The following ATP2C1 variants were observed in gnomAD, a reference collection of about 807,000 sequenced individuals.
The protein encoded by ATP2C1 is calcium-transporting ATPase type 2C member 1.
A neutral mutation model predicts 120.5 loss-of-function variants in ATP2C1; 31 were observed. The observed-to-expected ratio is 0.26, with a 90% confidence interval of 0.19 to 0.35. The LOEUF (loss-of-function observed/expected upper bound fraction) is 0.35, where lower values mean the gene tolerates loss of function less well. Among genes scored for constraint, ATP2C1 ranks in the 10% least tolerant of loss-of-function variants. The pLI is 1.00. For missense variants in ATP2C1, 731 were observed against 1,107.5 expected, an observed-to-expected ratio of 0.66 and a Z score of 4.83; for synonymous variants, 351 against 358.7, an observed-to-expected ratio of 0.98 and a Z score of 0.24.
chr3:130,909,752 T>C (rs1238575788), intron 2 of ATP2C1, among the ~76,000 whole-genome samples: 1 of 152,188 alleles, frequency 6.6e-6, no homozygotes, highest in Non-Finnish European at 1.5e-5. Context: ...TTAAATGATG[T>C]ATGAGGTCAA....
chr3:130,903,066 C>T (rs1238142242), intron 2 of ATP2C1, among the ~76,000 whole-genome samples: 1 of 151,920 alleles, frequency 6.6e-6, no homozygotes. Context: ...TTATTTTCTC[C>T]ATCTATAGAA....
At chr3:130,933,386 C>CT (rs2059533907) in intron 4 of ATP2C1, among the ~76,000 whole-genome samples, 6 of 152,136 alleles carry the variant, frequency 3.9e-5, no homozygotes, top group African/African-American at 1.4e-4. Flanking sequence ...ACGTTAATAG[C>CT]TAACATTTTT....
At position 130,999,532 on chromosome 3, in the gene ATP2C1, T is replaced by G. The variant is rs1337764598; in HGVS notation, c.2502T>G (p.Phe834Leu). ...LSSRSQTKSVFEIGLCSNRMF... is the reference protein window; with the variant it reads ...LSSRSQTKSVLEIGLCSNRMF... ...TCTGCCAACAGACCAAGTCTGTGTT[T>G]GAGATTGGACTCTGCAGTAATAGAA... Residue 834 changes from phenylalanine to leucine, a missense_variant, in exon 27 of 28, where the codon TTT (phenylalanine) becomes TTG (leucine). Physicochemically the swap from Phe to Leu is conservative, Grantham distance 22. This residue lies in a region of ATP2C1 where 141 missense variants were observed against 201.6 expected (regional missense o/e 0.70). Coordinates refer to ENST00000510168, the MANE Select transcript of ATP2C1 (RefSeq NM_001378687.1). 1.2e-6 allele frequency: 2 copies of G among 1,613,702 alleles called. No homozygotes were observed. Among genetic ancestry groups the G allele is most frequent in the Admixed American group, 1.7e-5 (1 of 60,024 alleles).
intron 2 of ATP2C1, among the ~76,000 whole-genome samples, chr3:130,904,182 T>C (rs2058017742): frequency 6.6e-6 from 1 of 152,054 alleles, no homozygotes; most frequent in Non-Finnish European, 1.5e-5. Context: ...TTTTGCCCAG[T>C]TACTCCTAAT....
intron 26 of ATP2C1, among the ~76,000 whole-genome samples, chr3:131,013,215 C>A (rs1169907181): frequency 6.6e-6 from 1 of 152,162 alleles, no homozygotes; most frequent in East Asian, 1.9e-4. Context: ...CAGTATTTTC[C>A]AGAGCAGTAC....
chr3:130,880,179 T>C (rs543546569), intron 1 of ATP2C1, among the ~76,000 whole-genome samples: 78 of 152,354 alleles, frequency 5.1e-4, no homozygotes, highest in Admixed American at 1.4e-3. Flanking sequence ...CCTGGTGTCA[T>C]TTTTAGTTTG....
upstream of ATP2C1, among the ~76,000 whole-genome samples, chr3:130,893,298 T>C (rs934146017): frequency 6.6e-6 from 1 of 152,244 alleles, no homozygotes; most frequent in African/African-American, 2.4e-5. Context: ...GACTGGTTTC[T>C]AATTGCTGTT....
downstream of ATP2C1, among the ~76,000 whole-genome samples, chr3:131,006,255 G>A (rs1405625175): frequency 6.6e-6 from 1 of 152,106 alleles, no homozygotes; most frequent in Admixed American, 6.5e-5. Flanking sequence ...GGGATTACAG[G>A]CCTGTGCCAC....
At chr3:130,950,605 AGTATTC>A (rs1205133925) in intron 8 of ATP2C1, among the ~76,000 whole-genome samples, 2 of 152,182 alleles carry the variant, frequency 1.3e-5, no homozygotes, top group Non-Finnish European at 2.9e-5. Flanking sequence ...TGACTTAGAA[AGTATTC>A]GTATTCAACA....
intron 1 of ATP2C1, among the ~76,000 whole-genome samples, chr3:130,885,200 C>A (rs1016522416): frequency 1.3e-5 from 2 of 152,072 alleles, no homozygotes; most frequent in Non-Finnish European, 2.9e-5. Flanking sequence ...TCCCAAAGTG[C>A]TGGGATTACA....
At chr3:130,966,908 G>T (rs771575523) in intron 14 of ATP2C1, among the ~76,000 whole-genome samples, 1 of 152,066 alleles carries the variant, frequency 6.6e-6, no homozygotes, top group African/African-American at 2.4e-5. Flanking sequence ...ACAGTATATT[G>T]TAATTAGAAA....
chr3:130,857,557 C>T (rs144902016), intron 1 of ATP2C1, among the ~76,000 whole-genome samples: 4 of 152,346 alleles, frequency 2.6e-5, no homozygotes, highest in African/African-American at 9.6e-5. Flanking sequence ...ATACCTTCCT[C>T]ATTGGTCTCC....
Position 130,944,559 on chromosome 3 carries a change from G to A in ATP2C1, c.531+2860G>A, listed in dbSNP as rs568249965. On this transcript the variant is annotated intron_variant, in intron 8 of 27. Coordinates refer to ENST00000510168, the MANE Select transcript of ATP2C1 (RefSeq NM_001378687.1). ...CATCATTAGGACTAGCCTCATGACC[G>A]CATCTAACCCTGATTACTTCCCAGG... Among the ~76,000 whole-genome samples the A allele has an allele frequency of 1.5e-4, 23 of 152,092 alleles. No homozygotes were observed. The South Asian group carries it at 2.3e-3, about 15-fold the overall frequency.
At position 131,001,471 on chromosome 3, in the gene ATP2C1, A is replaced by G; in HGVS notation, c.*121A>G. 1.4e-6 allele frequency: 2 copies of G among 1,431,662 alleles called. No homozygotes were observed. Among genetic ancestry groups the G allele is most frequent in the South Asian group, 3.0e-5 (2 of 66,774 alleles). The allele number at this position is 1,431,662 out of a possible 1,614,324, so 88.7% of individuals were successfully genotyped here. A position where few individuals can be genotyped will look rare whatever the true frequency, so the allele number is the denominator to read the frequency against. ...TTAACTATTCATTGACTAAAAATGA[A>G]CATTAATGTTAAAGACTTAAGACTT... is the stretch of plus-strand genomic sequence containing the variant. On this transcript the variant is annotated 3_prime_UTR_variant, in exon 28 of 28. Transcript: ENST00000510168.
At chr3:130,887,773 G>C (rs138925153) in intron 1 of ATP2C1, among the ~76,000 whole-genome samples, 2 of 152,310 alleles carry the variant, frequency 1.3e-5, no homozygotes, top group African/African-American at 4.8e-5. Flanking sequence ...CCATCCAAGA[G>C]GTTAGGCCTG....
chr3:130,963,126 G>A (rs938841833), intron 12 of ATP2C1: 2 of 151,954 alleles, frequency 1.3e-5, no homozygotes, highest in Admixed American at 1.3e-4. Flanking sequence ...TATAAAAGGC[G>A]AGTGAAATAA....
chr3:130,931,126 T>C lies in ATP2C1; in HGVS notation c.117+600T>C, dbSNP rs555155109. Reference sequence around the variant, plus strand: ...GATAGCATTAAAAACATGGGTATCCTTTTTTAGGTTTTTGTTGTTGTTGTT... The same window carrying C: ...GATAGCATTAAAAACATGGGTATCCCTTTTTAGGTTTTTGTTGTTGTTGTT... On this transcript the variant is annotated intron_variant, in intron 3 of 27. Transcript: ENST00000510168. 2.0e-5 allele frequency among the ~76,000 whole-genome samples: 3 copies of C among 152,218 alleles called. No individual in the cohort carries two copies. The South Asian group carries it at 6.2e-4, about 32-fold the overall frequency.
chr3:130,905,685 T>C (rs2058088277), intron 2 of ATP2C1, among the ~76,000 whole-genome samples: 1 of 152,150 alleles, frequency 6.6e-6, no homozygotes, highest in Non-Finnish European at 1.5e-5. Flanking sequence ...AAGTTCCTCC[T>C]ACATCCTGTT....
rs555647797 is a variant in ATP2C1, at chr3:130,894,406, G to T, written c.-181+69G>T. ...CAGGTTCTGAAGGAAGGGGAGGTTC[G>T]GGTATCCCCTGGATGGGGGGGCATC... On this transcript the variant is annotated intron_variant, in intron 1 of 27. Coordinates refer to ENST00000510168, the MANE Select transcript of ATP2C1 (RefSeq NM_001378687.1). The surrounding 1 kb of genome is among the most constrained non-coding windows in gnomAD (Gnocchi z 4.5). The T allele has an allele frequency of 3.4e-3, 4,045 of 1,183,124 alleles. 18 individuals are homozygous for T. The highest frequency in any genetic ancestry group is 4.0e-3 in the Non-Finnish European group (3,809 of 947,306). 73.3% of individuals were successfully genotyped at this position (1,183,124 alleles called of 1,614,324 possible). A position where few individuals can be genotyped will look rare whatever the true frequency, so the allele number is the denominator to read the frequency against.
Sources: gnomAD v4.1 joint callset for allele counts (sites outside exome capture counted in the v4.1 genomes callset) on GRCh38, gnomAD v4.1.1 for gene constraint, gnomAD v4.1.1 regional missense constraint, Gnocchi (gnomAD v3.1) non-coding constraint, MANE v1.5 for transcripts, NCBI Gene and HGNC (gene_info 2026-07-23, HGNC 2026-07-21) for gene names.